The following KCNQ1 variants were observed in gnomAD, a reference collection of about 807,000 sequenced individuals.
The protein encoded by KCNQ1 is potassium voltage-gated channel subfamily Q member 1.
Under a neutral mutation model 72.4 loss-of-function variants are expected in KCNQ1, and 49 were observed. The ratio of observed to expected loss-of-function variants is 0.68; its 90% confidence interval spans 0.54 to 0.86. The LOEUF (loss-of-function observed/expected upper bound fraction) is 0.86. Among genes scored for constraint, KCNQ1 ranks in the 40% least tolerant of loss-of-function variants. KCNQ1 has a pLI of 0.00. For synonymous variants in KCNQ1, 450 were observed against 412.6 expected, an observed-to-expected ratio of 1.09 and a Z score of -1.10; for missense variants, 790 against 945.1, an observed-to-expected ratio of 0.84 and a Z score of 2.15.
rs542222424 is a variant in KCNQ1, at chr11:2,587,269, C to T, written c.1129-301C>T. 4.7e-4 allele frequency among the ~76,000 whole-genome samples: 71 copies of T among 152,358 alleles called. 1 individual carries two copies. In the South Asian group the frequency reaches 0.013, roughly 28 times the overall value. ...GTGCGACCTGCCCACCTTTGCAAGT[C>T]TCTCCTTTGGCTCAAGGCTGGCTCA... is the stretch of plus-strand genomic sequence containing the variant. On this transcript the variant is annotated intron_variant, in intron 8 of 15. Transcript: ENST00000155840.
rs969824356 is a variant in KCNQ1 at position 2,813,278 on chromosome 11, G to A, written c.1795-34489G>A. Among the ~76,000 whole-genome samples, 4 of 152,188 alleles carry A rather than the reference G, an allele frequency of 2.6e-5. No individual in the cohort carries two copies. Among genetic ancestry groups the A allele is most frequent in the Admixed American group, 2.6e-4 (4 of 15,290 alleles). On this transcript the variant is annotated intron_variant, in intron 15 of 15. Transcript: ENST00000155840. The surrounding 1 kb of genome is among the most constrained non-coding windows in gnomAD (Gnocchi z 4.4). ...TGGAGGTCACTGATGGCCTCAGGAT[G>A]CCAGCAGGCCCTCTGATGCCCAGGG... is the stretch of plus-strand genomic sequence containing the variant.
rs1848633949 is a variant in KCNQ1, at chr11:2,588,896, G to A, written c.1393+42G>A. 3 of 1,606,226 alleles carry A rather than the reference G, an allele frequency of 1.9e-6. No individual in the cohort carries two copies. The highest frequency in any genetic ancestry group is 2.2e-5 in the South Asian group (2 of 90,448). On this transcript the variant is annotated intron_variant, in intron 10 of 15. Transcript: ENST00000155840. This position sits in a 1 kb window ranked among gnomAD's most constrained non-coding sequence, Gnocchi z 5.6. ...CAGTTGGGGGCCGCGGGGCCGGGAA[G>A]GTCACTGCCTTTTTTGGGAGCCCGA...
chr11:2,580,362 A>T (rs1412557158), intron 6 of KCNQ1, among the ~76,000 whole-genome samples: 1 of 152,242 alleles, frequency 6.6e-6, no homozygotes, highest in African/African-American at 2.4e-5. Context: ...AATACAGTGG[A>T]GGCATGTAAA....
At position 2,671,312 on chromosome 11, in the gene KCNQ1, G is replaced by A. The variant is rs556505535; in HGVS notation, c.1514+9231G>A. ...TTCTCCATAAGTAATCTTTTCCCAT[G>A]TGTGGCTGCAGCCTCAGAGGCTCCC... is the stretch of plus-strand genomic sequence containing the variant. On this transcript the variant is annotated intron_variant, in intron 11 of 15. Transcript: ENST00000155840. This position sits in a 1 kb window ranked among gnomAD's most constrained non-coding sequence, Gnocchi z 4.7. The A allele has an allele frequency of 9.6e-4, 381 of 398,588 alleles. No homozygotes were observed. Among genetic ancestry groups the A allele is most frequent in the Non-Finnish European group, 1.4e-3 (319 of 226,064 alleles). 24.7% of individuals were successfully genotyped at this position (398,588 alleles called of 1,614,324 possible). A position where few individuals can be genotyped will look rare whatever the true frequency, so the allele number is the denominator to read the frequency against.
At position 2,682,701 on chromosome 11, in the gene KCNQ1, CA is replaced by C. The variant is rs1850419553; in HGVS notation, c.1514+20621del. 3.5e-5 allele frequency: 14 copies of C among 398,572 alleles called. No homozygotes were observed. In the Middle Eastern group the frequency reaches 1.9e-3, roughly 54 times the overall value. 24.7% of individuals were successfully genotyped at this position (398,572 alleles called of 1,614,324 possible). A position where few individuals can be genotyped will look rare whatever the true frequency, so the allele number is the denominator to read the frequency against. Reference sequence around the variant, plus strand: ...ATAGAAGCTGGGGTCCAAAGTTGACCAGAATATCTCTAGTCATAAAGAATCT... The same window carrying C: ...ATAGAAGCTGGGGTCCAAAGTTGACCGAATATCTCTAGTCATAAAGAATCT... On this transcript the variant is annotated intron_variant, in intron 11 of 15. Transcript: ENST00000155840. The surrounding 1 kb of genome is among the most constrained non-coding windows in gnomAD (Gnocchi z 5.8).
intron 1 of KCNQ1, among the ~76,000 whole-genome samples, chr11:2,499,552 CT>C (rs1298124155): frequency 9.7e-5 from 14 of 144,354 alleles, no homozygotes; most frequent in Non-Finnish European, 1.7e-4. Flanking sequence ...ACCCAATTAT[CT>C]GTTGCTTACA....
rs1846964442 is a variant in KCNQ1, at chr11:2,498,949, G to A, written c.387-28979G>A. On this transcript the variant is annotated intron_variant, in intron 1 of 15. Transcript: ENST00000155840. This position sits in a 1 kb window ranked among gnomAD's most constrained non-coding sequence, Gnocchi z 4.8. ...TGCAGCAACTGCATGCAAACTGCAT[G>A]TTTGCAGTTCCCTCGGCTGGGGGAG... 2.6e-5 allele frequency among the ~76,000 whole-genome samples: 4 copies of A among 152,326 alleles called. No homozygotes were observed. The highest frequency in any genetic ancestry group is 2.1e-4 in the South Asian group (1 of 4,828).
chr11:2,848,811 T>C lies in KCNQ1; in HGVS notation c.*808T>C. On this transcript the variant is annotated 3_prime_UTR_variant, in exon 16 of 16. Coordinates refer to ENST00000155840, the MANE Select transcript of KCNQ1 (RefSeq NM_000218.3). ...ACAGAAGGGGACTGCCACCTCCCCT[T>C]GCCAGCTGCTGAGCCGCAGAGAAGT... 2.2e-6 allele frequency: 1 copy of C among 454,134 alleles called. No individual in the cohort carries two copies. The highest frequency in any genetic ancestry group is 4.4e-6 in the Non-Finnish European group (1 of 226,794). The allele number at this position is 454,134 out of a possible 1,614,324, so 28.1% of individuals were successfully genotyped here.
chr11:2,518,925 G>A (rs1475598175), intron 1 of KCNQ1, among the ~76,000 whole-genome samples: 1 of 152,226 alleles, frequency 6.6e-6, no homozygotes, highest in Non-Finnish European at 1.5e-5. Flanking sequence ...ACCCGGAGCT[G>A]GACGGGGAGG....
intron 1 of KCNQ1, among the ~76,000 whole-genome samples, chr11:2,476,041 T>C (rs550490863): frequency 6.6e-6 from 1 of 152,178 alleles, no homozygotes; most frequent in Non-Finnish European, 1.5e-5. Context: ...CAAAGGAAAA[T>C]ATAAATTTAA....
At chr11:2,688,247 G>A (rs1850525711) in intron 11 of KCNQ1, 3 of 398,632 alleles carry the variant, frequency 7.5e-6, no homozygotes, top group East Asian at 7.1e-5. Context: ...AGGGCTGTTT[G>A]ATCTGAGAGG....
rs1847310266 is a variant in KCNQ1 at position 2,803,371 on chromosome 11, T to C, written c.1794+25334T>C. 6.6e-6 allele frequency among the ~76,000 whole-genome samples: 1 copy of C among 152,144 alleles called. No homozygotes were observed. Among genetic ancestry groups the C allele is most frequent in the African/African-American group, 2.4e-5 (1 of 41,436 alleles). On this transcript the variant is annotated intron_variant, in intron 15 of 15. Coordinates refer to ENST00000155840, the MANE Select transcript of KCNQ1 (RefSeq NM_000218.3). The surrounding 1 kb of genome is among the most constrained non-coding windows in gnomAD (Gnocchi z 6.4). ...CGAGGTGGGGATGGGGCTTGGAGGA[T>C]GTGGCAGAGTTCCCATGGTGTGTGT...
In KCNQ1 at chr11:2,735,532, C is replaced by T. The variant is rs1262790989; in HGVS notation, c.1515-33312C>T. Among the ~76,000 whole-genome samples, 1 of 152,124 alleles carries T rather than the reference C, an allele frequency of 6.6e-6. No homozygotes were observed. The highest frequency in any genetic ancestry group is 1.9e-4 in the East Asian group (1 of 5,190). ...CACCCATCCACACCCCGCAGGCATC[C>T]TAGGGCCTGGCCCACCACCCTCTCC... is the stretch of plus-strand genomic sequence containing the variant. On this transcript the variant is annotated intron_variant, in intron 11 of 15. Coordinates refer to ENST00000155840, the MANE Select transcript of KCNQ1 (RefSeq NM_000218.3). The surrounding 1 kb of genome is among the most constrained non-coding windows in gnomAD (Gnocchi z 7.7).
Position 2,611,297 on chromosome 11 carries a change from G to T in KCNQ1, c.1393+22443G>T. The T allele has an allele frequency of 2.5e-6, 1 of 397,338 alleles. No homozygotes were observed. The highest frequency in any genetic ancestry group is 4.4e-6 in the Non-Finnish European group (1 of 225,858). 24.6% of individuals were successfully genotyped at this position (397,338 alleles called of 1,614,324 possible). A position where few individuals can be genotyped will look rare whatever the true frequency, so the allele number is the denominator to read the frequency against. On this transcript the variant is annotated intron_variant, in intron 10 of 15. Transcript: ENST00000155840. This position sits in a 1 kb window ranked among gnomAD's most constrained non-coding sequence, Gnocchi z 5.3. ...TGCAGTGGCGTGACCTTGGCTCACT[G>T]CAACCTCTGCCTCCCGGATTCAAGC...
At chr11:2,731,802 G>A (rs1046382563) in intron 11 of KCNQ1, among the ~76,000 whole-genome samples, 4 of 152,248 alleles carry the variant, frequency 2.6e-5, no homozygotes, top group Admixed American at 2.0e-4. Context: ...TCTTCCGGGT[G>A]GAAGACAGTG....
rs771412712 is a variant in KCNQ1 at position 2,818,563 on chromosome 11, C to T, written c.1795-29204C>T. Among the ~76,000 whole-genome samples the T allele has an allele frequency of 6.6e-5, 10 of 152,306 alleles. No homozygotes were observed. Among genetic ancestry groups the T allele is most frequent in the East Asian group, 1.9e-4 (1 of 5,176 alleles). On this transcript the variant is annotated intron_variant, in intron 15 of 15. Transcript: ENST00000155840. The surrounding 1 kb of genome is among the most constrained non-coding windows in gnomAD (Gnocchi z 7.2). ...AAACCCCTCTCCACCAGATGCCTTA[C>T]ACCCCCCATCCCCACACGCACACAG...
rs865967934 is a variant in KCNQ1, at chr11:2,543,765, A to G, written c.477+15747A>G. ...TTAGGCCTAGGATGCATTTTGAGTT[A>G]ATTTTTCTCTATCATGTAAGACATA... On this transcript the variant is annotated intron_variant, in intron 2 of 15. Transcript: ENST00000155840. The surrounding 1 kb of genome is among the most constrained non-coding windows in gnomAD (Gnocchi z 5.6). 5.9e-5 allele frequency among the ~76,000 whole-genome samples: 9 copies of G among 152,152 alleles called. No homozygotes were observed. Among genetic ancestry groups the G allele is most frequent in the African/African-American group, 2.2e-4 (9 of 41,424 alleles).
rs1448301229 is a variant in KCNQ1 at position 2,602,450 on chromosome 11, A to G, written c.1393+13596A>G. Among the ~76,000 whole-genome samples the G allele has an allele frequency of 2.0e-5, 3 of 152,206 alleles. No homozygotes were observed. The highest frequency in any genetic ancestry group is 4.4e-5 in the Non-Finnish European group (3 of 68,032). On this transcript the variant is annotated intron_variant, in intron 10 of 15. Transcript: ENST00000155840. The surrounding 1 kb of genome is among the most constrained non-coding windows in gnomAD (Gnocchi z 4.8). ...TAAAAGCCCAAGCTTGTAATTGCTG[A>G]GTTGTGTGGCAGTTGCATGTTTAGT...
At chr11:2,512,061 C>T (rs16928363) in intron 1 of KCNQ1, among the ~76,000 whole-genome samples, 12,205 of 152,268 alleles carry the variant, frequency 0.08, 745 homozygotes, top group African/African-American at 0.17. Flanking sequence ...CTGTCGGGCT[C>T]GGCGTGCAAG....
Sources: allele counts gnomAD v4.1 joint callset (sites outside exome capture counted in the v4.1 genomes callset), GRCh38; gene constraint gnomAD v4.1.1; non-coding constraint Gnocchi (gnomAD v3.1); transcripts MANE v1.5; gene names NCBI Gene and HGNC (gene_info 2026-07-23, HGNC 2026-07-21).